Variants in ARHGEF10L observed in about 807,000 individuals in gnomAD.
ARHGEF10L encodes the protein Rho guanine nucleotide exchange factor 10 like.
Under a neutral mutation model 141.2 loss-of-function variants are expected in ARHGEF10L, and 69 were observed. The observed-to-expected ratio is 0.49, with a 90% CI of 0.40 to 0.60. The LOEUF (loss-of-function observed/expected upper bound fraction) is 0.60. ARHGEF10L is among the 20% of genes least tolerant of loss of function. ARHGEF10L has a pLI of 0.00. For synonymous variants in ARHGEF10L, 711 were observed against 718.5 expected (o/e 0.99, Z 0.17); for missense variants, 1,482 against 1,734.3 (o/e 0.85, Z 2.58).
In ARHGEF10L at chr1:17,637,976, C is replaced by T. The variant is rs767851063; in HGVS notation, c.2016C>T (p.Leu672=). The T allele has an allele frequency of 3.1e-6, 5 of 1,596,484 alleles. No individual in the cohort carries two copies. The African/African-American group carries it at 6.7e-5, about 21-fold the overall frequency. Residue 672 remains leucine (L), a synonymous_variant, in exon 19 of 29, where the codon CTC becomes CTT. Transcript: ENST00000361221. ...CCGTGGTGGAGCAGATCACGCTTCT[C>T]ATCAGCACGCTGCACGGCACCTACC... is the stretch of plus-strand genomic sequence containing the variant. ...DLAVVEQITL[L]ISTLHGTYQN... is the part of the protein sequence containing the mutation.
intron 15 of ARHGEF10L, among the ~76,000 whole-genome samples, chr1:17,630,154 G>A (rs2060598763): frequency 6.6e-6 from 1 of 152,232 alleles, no homozygotes; most frequent in South Asian, 2.1e-4. Context: ...GGCCAGTTCT[G>A]TGACCTGTTT....
At chr1:17,552,206 G>A (rs905617358) in intron 1 of ARHGEF10L, among the ~76,000 whole-genome samples, 1 of 152,160 alleles carries the variant, frequency 6.6e-6, no homozygotes, top group Non-Finnish European at 1.5e-5. Flanking sequence ...GAGGGGAGGG[G>A]GAGATGGGGA....
chr1:17,620,264 C>G (rs572703449), intron 10 of ARHGEF10L, among the ~76,000 whole-genome samples: 1 of 151,708 alleles, frequency 6.6e-6, no homozygotes, highest in African/African-American at 2.4e-5. Flanking sequence ...GGTCGGGCAG[C>G]TTTGCTCTGG....
chr1:17,619,365 C>T lies in ARHGEF10L; in HGVS notation c.862C>T (p.Leu288Phe), dbSNP rs1174138568. ...TGACTCGGAGGAGGAGGACATGGGG[C>T]TCCTGGAGGTCAGCGTTTCGGACAT... ...LGDSEEEDMG[L>F]LEVSVSDIKP... is the part of the protein sequence containing the mutation. The change falls in exon 10 of 29, where the codon CTC becomes TTC. Residue 288 changes from leucine to phenylalanine, a missense_variant. By Grantham distance (22) the Leu-to-Phe change is conservative. This residue lies in a region of ARHGEF10L where 392 missense variants were observed against 542.1 expected (regional missense o/e 0.72). Coordinates refer to ENST00000361221, the MANE Select transcript of ARHGEF10L (RefSeq NM_018125.4). The surrounding 1 kb of genome is among the most constrained non-coding windows in gnomAD (Gnocchi z 5.0). The T allele has an allele frequency of 1.9e-6, 3 of 1,613,258 alleles. No individual in the cohort carries two copies. The highest frequency in any genetic ancestry group is 4.5e-5 in the East Asian group (2 of 44,834).
intron 4 of ARHGEF10L, among the ~76,000 whole-genome samples, chr1:17,592,874 C>T (rs903393128): frequency 2.0e-5 from 3 of 152,266 alleles, no homozygotes; most frequent in Middle Eastern, 3.4e-3. Context: ...CCCATGGAGT[C>T]CCCCATGGGA....
rs978618806 is a variant in ARHGEF10L, at chr1:17,623,476, G to A, written c.1200+301G>A. On this transcript the variant is annotated intron_variant, in intron 12 of 28. Transcript: ENST00000361221. This position sits in a 1 kb window ranked among gnomAD's most constrained non-coding sequence, Gnocchi z 4.7. ...AGTCACTGTGGGCAGCCACCTGGCC[G>A]GTCACAAGCTCTCTTACCGAGCACT... Among the ~76,000 whole-genome samples the A allele has an allele frequency of 6.6e-5, 10 of 152,158 alleles. No homozygotes were observed. Among genetic ancestry groups the A allele is most frequent in the African/African-American group, 1.9e-4 (8 of 41,432 alleles).
rs2062111400 is a variant in ARHGEF10L, at chr1:17,654,491, C to T, written c.2395-145C>T. 13 of 750,704 alleles carry T rather than the reference C, an allele frequency of 1.7e-5. No individual in the cohort carries two copies. The South Asian group carries it at 1.9e-4, about 11-fold the overall frequency. 46.5% of individuals were successfully genotyped at this position (750,704 alleles called of 1,614,324 possible). On this transcript the variant is annotated intron_variant, in intron 22 of 28. Coordinates refer to ENST00000361221, the MANE Select transcript of ARHGEF10L (RefSeq NM_018125.4). This position sits in a 1 kb window ranked among gnomAD's most constrained non-coding sequence, Gnocchi z 4.3. ...TGTAGGAACTGCCTGGAGAAGCAGG[C>T]ACTCGTGAAGCATGTTGCTTTCCTG...
At chr1:17,576,928 C>T (rs1266440846) in intron 1 of ARHGEF10L, among the ~76,000 whole-genome samples, 4 of 152,230 alleles carry the variant, frequency 2.6e-5, no homozygotes, top group African/African-American at 9.7e-5. Context: ...CTCCTTTGGA[C>T]TCAGTTTCCA....
chr1:17,561,720 A>G (rs757747999), intron 1 of ARHGEF10L, among the ~76,000 whole-genome samples: 1 of 152,190 alleles, frequency 6.6e-6, no homozygotes, highest in Non-Finnish European at 1.5e-5. Flanking sequence ...TCTGGGGCAC[A>G]TGACTCACAA....
chr1:17,599,466 CT>C (rs1452491201), intron 4 of ARHGEF10L, among the ~76,000 whole-genome samples: 1 of 152,214 alleles, frequency 6.6e-6, no homozygotes, highest in Non-Finnish European at 1.5e-5. Context: ...GGCCGGGAGA[CT>C]GTCCAGCCAA....
At chr1:17,588,627 G>A (rs918741496) in intron 4 of ARHGEF10L, 148 bp downstream of exon 4, 11 of 975,090 alleles carry the variant, frequency 1.1e-5, no homozygotes, top group Non-Finnish European at 1.7e-5. Context: ...GTGCCCTGGG[G>A]GAAGAGGTCA....
intron 1 of ARHGEF10L, among the ~76,000 whole-genome samples, chr1:17,564,152 C>G (rs1216104074): frequency 6.6e-6 from 1 of 152,204 alleles, no homozygotes; most frequent in African/African-American, 2.4e-5. Flanking sequence ...CTGGCCTGCA[C>G]AGTGGGGCCC....
chr1:17,677,610 G>A lies in ARHGEF10L; in HGVS notation c.3010-9963G>A, dbSNP rs1316611653. Reference sequence around the variant, plus strand: ...TGGTAGGGGAGGGAGATCAGGGGGGGAGAGACCACCACCATCCACTTAATC... The same window carrying A: ...TGGTAGGGGAGGGAGATCAGGGGGGAAGAGACCACCACCATCCACTTAATC... On this transcript the variant is annotated intron_variant, in intron 26 of 28. Transcript: ENST00000361221. 3.3e-5 allele frequency among the ~76,000 whole-genome samples: 5 copies of A among 152,198 alleles called. No individual in the cohort carries two copies. In the East Asian group the frequency reaches 7.7e-4, roughly 24 times the overall value.
At chr1:17,689,869 A>G (rs1165661300) in intron 27 of ARHGEF10L, 18 of 455,980 alleles carry the variant, frequency 3.9e-5, no homozygotes, top group Non-Finnish European at 4.4e-6. Flanking sequence ...GGTGGGAGGC[A>G]GGATGTGTGG....
the ARHGEF10L span, among the ~76,000 whole-genome samples, chr1:17,520,773 T>C: frequency 6.6e-6 from 1 of 152,174 alleles, no homozygotes; most frequent in African/African-American, 2.4e-5. Flanking sequence ...CTTCCCTCAC[T>C]TCCTTCTTAG....
intron 22 of ARHGEF10L, among the ~76,000 whole-genome samples, chr1:17,653,035 G>A (rs111438775): frequency 2.0e-5 from 3 of 152,198 alleles, no homozygotes; most frequent in African/African-American, 7.2e-5. Context: ...GGTGTGTGAA[G>A]TGCTAGAATA....
chr1:17,583,202 TAAA>T (rs59088704), intron 2 of ARHGEF10L, among the ~76,000 whole-genome samples: 2 of 111,782 alleles, frequency 1.8e-5, no homozygotes, highest in Non-Finnish European at 3.5e-5. Context: ...GAGCTTCATT[TAAA>T]AAAAAAAAAA....
At chr1:17,684,409 C>T in intron 26 of ARHGEF10L, among the ~76,000 whole-genome samples, 1 of 152,202 alleles carries the variant, frequency 6.6e-6, no homozygotes, top group East Asian at 1.9e-4. Flanking sequence ...CTCCCCTACA[C>T]AGCATGGACT....
At position 17,581,309 on chromosome 1, in the gene ARHGEF10L, C is replaced by CAAAAAA. The variant is rs71014975; in HGVS notation, c.37+695_37+700dup. Among the ~76,000 whole-genome samples, 230 of 65,836 alleles carry CAAAAAA rather than the reference C, an allele frequency of 3.5e-3. 1 individual carries two copies. The highest frequency in any genetic ancestry group is 4.5e-3 in the Non-Finnish European group (167 of 37,492). 43.2% of individuals were successfully genotyped at this position (65,836 alleles called of 152,430 possible). ...CCTGGGTGACAGAGCAAGACTGTCT[C>CAAAAAA]AAAAAAAAAAAAAAAAAAAAAAAGA... On this transcript the variant is annotated intron_variant, in intron 2 of 28. Coordinates refer to ENST00000361221, the MANE Select transcript of ARHGEF10L (RefSeq NM_018125.4).
Sources: gnomAD v4.1 joint callset for allele counts (sites outside exome capture counted in the v4.1 genomes callset) on GRCh38, gnomAD v4.1.1 for gene constraint, gnomAD v4.1.1 regional missense constraint, Gnocchi (gnomAD v3.1) non-coding constraint, MANE v1.5 for transcripts, NCBI Gene and HGNC (gene_info 2026-07-23, HGNC 2026-07-21) for gene names.